ATF7IP2: variants seen among roughly 807,000 people sequenced by gnomAD.
The protein encoded by ATF7IP2 is activating transcription factor 7-interacting protein 2.
ATF7IP2 carries 42 observed loss-of-function variants against 64.2 expected under a neutral mutation model. The ratio of observed to expected loss-of-function variants is 0.65; its 90% CI spans 0.51 to 0.85. The LOEUF is 0.85. Ranked by LOEUF, ATF7IP2 falls within the 40% of genes least tolerant of loss-of-function variation. ATF7IP2 has a pLI of 0.00. For missense variants in ATF7IP2, 933 were observed against 784.2 expected (o/e 1.19, Z -2.27); for synonymous variants, 308 against 272.8 (o/e 1.13, Z -1.27).
intron 9 of ATF7IP2, among the ~76,000 whole-genome samples, chr16:10,469,958 A>G (rs1221355742): frequency 1.3e-5 from 2 of 152,082 alleles, no homozygotes; most frequent in Non-Finnish European, 2.9e-5. Flanking sequence ...AGTGTAGGGG[A>G]AAAACAGACT....
At position 10,457,327 on chromosome 16, in the gene ATF7IP2, T is replaced by C. The variant is rs759068041; in HGVS notation, c.1195-45T>C. ...GCTAATTTTGTTTGGAAGGATACAA[T>C]TGGTAAAATTCCCTTCAACTGCTTT... is the stretch of plus-strand genomic sequence containing the variant. On this transcript the variant is annotated intron_variant, in intron 8 of 13. Coordinates refer to ENST00000562102, the MANE Select transcript of ATF7IP2 (RefSeq NM_001393719.1). The C allele has an allele frequency of 2.6e-6, 4 of 1,529,984 alleles. No individual in the cohort carries two copies. The Admixed American group carries it at 6.2e-5, about 24-fold the overall frequency. The allele number at this position is 1,529,984 out of a possible 1,614,324, so 94.8% of individuals were successfully genotyped here. A position where few individuals can be genotyped will look rare whatever the true frequency, so the allele number is the denominator to read the frequency against.
intron 3 of ATF7IP2, 87 bp from the exon 4 acceptor site, chr16:10,428,781 A>G (rs2048149063): frequency 1.3e-5 from 2 of 152,236 alleles, no homozygotes; most frequent in Non-Finnish European, 2.9e-5. Context: ...ATCAATTTCC[A>G]GTCAAAACAG....
intron 4 of ATF7IP2, among the ~76,000 whole-genome samples, chr16:10,430,363 A>G (rs1288435035): frequency 6.6e-6 from 1 of 152,200 alleles, no homozygotes; most frequent in Admixed American, 6.5e-5. Context: ...AGATAAAACT[A>G]TCAGGTAGAG....
chr16:10,461,253 A>T (rs1160712456), intron 9 of ATF7IP2, among the ~76,000 whole-genome samples: 1 of 152,080 alleles, frequency 6.6e-6, no homozygotes, highest in Admixed American at 6.5e-5. Flanking sequence ...TGCGTGAGTA[A>T]ATTGGTATAG....
chr16:10,434,311 G>A (rs946032305), intron 6 of ATF7IP2, among the ~76,000 whole-genome samples: 4 of 152,052 alleles, frequency 2.6e-5, no homozygotes, highest in South Asian at 4.1e-4. Flanking sequence ...TACTGAGGAC[G>A]GGTTTTGATG....
intron 1 of ATF7IP2, among the ~76,000 whole-genome samples, chr16:10,405,071 G>A (rs954716430): frequency 2.6e-5 from 4 of 152,028 alleles, no homozygotes; most frequent in African/African-American, 9.7e-5. Context: ...TTAATGAAAG[G>A]TCAATATTTG....
intron 9 of ATF7IP2, among the ~76,000 whole-genome samples, chr16:10,470,863 G>C (rs560978530): frequency 2.6e-5 from 4 of 151,468 alleles, no homozygotes; most frequent in Non-Finnish European, 5.9e-5. Context: ...ATGTGTGTGT[G>C]TGTGTGTGTG....
intron 1 of ATF7IP2, among the ~76,000 whole-genome samples, chr16:10,395,275 G>GAAGA (rs1176007348): frequency 6.6e-6 from 1 of 152,100 alleles, no homozygotes; most frequent in Admixed American, 6.6e-5. Flanking sequence ...ACTGACTGAA[G>GAAGA]AAGAGGAAAA....
At chr16:10,481,159 C>G (rs1381026227) in intron 13 of ATF7IP2, among the ~76,000 whole-genome samples, 195 bp downstream of exon 13, 1 of 152,182 alleles carries the variant, frequency 6.6e-6, no homozygotes, top group Admixed American at 6.5e-5. Context: ...AAAACAAATA[C>G]TTTTTTTATT....
intron 1 of ATF7IP2, among the ~76,000 whole-genome samples, chr16:10,394,352 T>C (rs979199679): frequency 1.3e-5 from 2 of 152,158 alleles, no homozygotes. Flanking sequence ...CATAAACATA[T>C]ATGCACCTAC....
At chr16:10,459,900 A>G (rs897034854) in intron 9 of ATF7IP2, among the ~76,000 whole-genome samples, 3 of 152,220 alleles carry the variant, frequency 2.0e-5, no homozygotes, top group Admixed American at 6.5e-5. Context: ...ACCATTTTAT[A>G]TAACATACTG....
At chr16:10,425,372 G>A (rs2048065021) in intron 3 of ATF7IP2, among the ~76,000 whole-genome samples, 1 of 151,324 alleles carries the variant, frequency 6.6e-6, no homozygotes, top group Admixed American at 6.6e-5. Context: ...GTGCCCAGCT[G>A]GAAATCTTTA....
At chr16:10,406,176 G>C (rs2047635487) in intron 1 of ATF7IP2, among the ~76,000 whole-genome samples, 1 of 152,052 alleles carries the variant, frequency 6.6e-6, no homozygotes, top group Non-Finnish European at 1.5e-5. Flanking sequence ...TGCAATCACG[G>C]CTCACCACAG....
At position 10,468,451 on chromosome 16, in the gene ATF7IP2, C is replaced by T. The variant is rs1041736369; in HGVS notation, c.1353-3659C>T. Among the ~76,000 whole-genome samples, 45 of 152,126 alleles carry T rather than the reference C, an allele frequency of 3.0e-4. 1 individual carries two copies. The highest frequency in any genetic ancestry group is 7.3e-5 in the Non-Finnish European group (5 of 68,038). ...AAAATTATTTTCAGATATTGTTCTACCAGGAGTTTAGGATCATGATTGGGA... is the reference window on the plus strand; with the variant it reads ...AAAATTATTTTCAGATATTGTTCTATCAGGAGTTTAGGATCATGATTGGGA... On this transcript the variant is annotated intron_variant, in intron 9 of 13. Transcript: ENST00000562102.
At chr16:10,424,794 C>T (rs1405426997) in intron 3 of ATF7IP2, among the ~76,000 whole-genome samples, 2 of 152,184 alleles carry the variant, frequency 1.3e-5, no homozygotes, top group East Asian at 3.9e-4. Flanking sequence ...TAAGGCACTA[C>T]ATCAGTTGAA....
chr16:10,448,791 A>AC, intron 8 of ATF7IP2: 1 of 152,192 alleles, frequency 6.6e-6, no homozygotes, highest in Middle Eastern at 3.4e-3. Context: ...TTATTTGAAT[A>AC]CCCCATATTT....
chr16:10,395,797 T>TA (rs543109496), intron 1 of ATF7IP2, among the ~76,000 whole-genome samples: 1 of 152,198 alleles, frequency 6.6e-6, no homozygotes, highest in South Asian at 2.1e-4. Context: ...AAAGCATCTG[T>TA]AAAAAAACCC....
intron 1 of ATF7IP2, among the ~76,000 whole-genome samples, chr16:10,397,688 G>A (rs571265943): frequency 6.6e-6 from 1 of 151,462 alleles, no homozygotes; most frequent in South Asian, 2.1e-4. Context: ...ACCAGCCTGG[G>A]CAACATGGCA....
At chr16:10,416,023 G>A (rs966391161) in intron 2 of ATF7IP2, among the ~76,000 whole-genome samples, 2 of 152,202 alleles carry the variant, frequency 1.3e-5, no homozygotes, top group African/African-American at 4.8e-5. Context: ...TGTACAACCA[G>A]TATGGAGACC....
Sources: allele counts gnomAD v4.1 joint callset (sites outside exome capture counted in the v4.1 genomes callset), GRCh38; gene constraint gnomAD v4.1.1; transcripts MANE v1.5; gene names NCBI Gene and HGNC (gene_info 2026-07-23, HGNC 2026-07-21).